Variants in KCNQ5 observed in about 807,000 individuals in gnomAD.
The protein encoded by KCNQ5 is potassium voltage-gated channel subfamily KQT member 5.
In KCNQ5, 30 loss-of-function variants were observed where a neutral mutation model predicts 98.2. The ratio of observed to expected loss-of-function variants is 0.31; its 90% CI spans 0.23 to 0.41. The LOEUF is 0.41. Among genes scored for constraint, KCNQ5 ranks in the 10% least tolerant of loss-of-function variants. The pLI, the probability that KCNQ5 is intolerant of heterozygous loss-of-function variation, is 1.00. For missense variants in KCNQ5, 835 were observed against 1,182.5 expected (o/e 0.71, Z 4.31); for synonymous variants, 458 against 449.4 (o/e 1.02, Z -0.24).
intron 1 of KCNQ5, among the ~76,000 whole-genome samples, chr6:72,803,123 C>T (rs1239737152): frequency 6.6e-6 from 1 of 152,136 alleles, no homozygotes; most frequent in Non-Finnish European, 1.5e-5. Context: ...CTCAGACCAA[C>T]CACAATCAAT....
At chr6:73,101,170 C>T (rs760083120) in intron 5 of KCNQ5, among the ~76,000 whole-genome samples, 7 of 152,200 alleles carry the variant, frequency 4.6e-5, no homozygotes, top group Non-Finnish European at 7.4e-5. Flanking sequence ...CAAAACCAGA[C>T]AAAAAATGCA....
chr6:73,031,380 G>T (rs192111880), intron 2 of KCNQ5, among the ~76,000 whole-genome samples: 21 of 152,300 alleles, frequency 1.4e-4, no homozygotes, highest in Admixed American at 1.2e-3. Context: ...TGAATAGACA[G>T]GTCAGAAATG....
At chr6:73,132,515 G>A (rs547250266) in intron 9 of KCNQ5, among the ~76,000 whole-genome samples, 19 of 152,232 alleles carry the variant, frequency 1.2e-4, no homozygotes, top group Non-Finnish European at 2.1e-4. Flanking sequence ...CCTAGCCCCC[G>A]TGTGTCTGAT....
chr6:73,169,845 G>A lies in KCNQ5; in HGVS notation c.1568G>A (p.Arg523Gln), dbSNP rs372957711. ...ACCCCACCACTTAAAACTGTCATTC[G>A]AGCTATCAGGTTGGTGAAAATCTTG... ...DLTPPLKTVI[R>Q]AIRIMKFHVA... The change falls in exon 11 of 14, where the codon CGA becomes CAA. Residue 523 changes from arginine (R) to glutamine (Q), a missense_variant. Coordinates refer to ENST00000370398, the MANE Select transcript of KCNQ5 (RefSeq NM_019842.4). 16 of 1,602,930 alleles carry A rather than the reference G, an allele frequency of 1.0e-5. No individual in the cohort carries two copies. Among genetic ancestry groups the A allele is most frequent in the African/African-American group, 2.7e-5 (2 of 74,706 alleles).
chr6:72,978,469 A>G (rs1308466903), intron 1 of KCNQ5, among the ~76,000 whole-genome samples: 2 of 152,214 alleles, frequency 1.3e-5, no homozygotes, highest in Non-Finnish European at 2.9e-5. Flanking sequence ...TGACAGGCCA[A>G]TATCTATTTG....
chr6:72,900,406 A>AAT (rs952972518), intron 1 of KCNQ5, among the ~76,000 whole-genome samples: 10 of 145,752 alleles, frequency 6.9e-5, no homozygotes, highest in East Asian at 2.0e-4. Flanking sequence ...TATATGATGA[A>AAT]ATATATATAT....
chr6:72,860,888 A>G (rs1184250552), intron 1 of KCNQ5, among the ~76,000 whole-genome samples: 1 of 151,404 alleles, frequency 6.6e-6, no homozygotes, highest in Non-Finnish European at 1.5e-5. Flanking sequence ...TTTTAGGGGA[A>G]TAGAGGAAGG....
intron 1 of KCNQ5, among the ~76,000 whole-genome samples, chr6:72,888,112 A>G (rs1417265356): frequency 6.6e-6 from 1 of 152,208 alleles, no homozygotes; most frequent in African/African-American, 2.4e-5. Context: ...TGTCAGAGAT[A>G]AAGACGGTTA....
chr6:72,983,514 A>C (rs1768578490), intron 1 of KCNQ5, among the ~76,000 whole-genome samples: 1 of 152,124 alleles, frequency 6.6e-6, no homozygotes, highest in Non-Finnish European at 1.5e-5. Context: ...CATGGTTTTC[A>C]GCTCCATCAG....
chr6:72,630,726 C>T (rs2098920358), intron 1 of KCNQ5: 1 of 151,976 alleles, frequency 6.6e-6, no homozygotes, highest in Non-Finnish European at 1.5e-5. Flanking sequence ...TAACAGTTAG[C>T]ATGGTGGCTC....
At chr6:72,824,793 G>C (rs1036440830) in intron 1 of KCNQ5, among the ~76,000 whole-genome samples, 139 of 152,068 alleles carry the variant, frequency 9.1e-4, no homozygotes, top group Admixed American at 2.7e-3. Flanking sequence ...CTCTGTGTGT[G>C]TGTGTGTGTG....
intron 10 of KCNQ5, among the ~76,000 whole-genome samples, chr6:73,156,884 AG>A (rs2150487857): frequency 6.6e-6 from 1 of 152,312 alleles, no homozygotes; most frequent in South Asian, 2.1e-4. Flanking sequence ...CCGAGGAGAT[AG>A]GAGCAGAGAA....
At chr6:72,980,781 G>A (rs150027008) in intron 1 of KCNQ5, among the ~76,000 whole-genome samples, 3,680 of 152,228 alleles carry the variant, frequency 0.024, 62 homozygotes, top group Middle Eastern at 0.058. Context: ...TCCAGTTTTT[G>A]CCCATTCAGT....
intron 1 of KCNQ5, among the ~76,000 whole-genome samples, chr6:72,775,615 G>A (rs1461739934): frequency 1.3e-5 from 2 of 152,060 alleles, no homozygotes; most frequent in African/African-American, 4.8e-5. Context: ...GCTGGCAAAC[G>A]TTACCTCAGC....
At chr6:73,166,331 G>A (rs1330447191) in intron 10 of KCNQ5, among the ~76,000 whole-genome samples, 1 of 151,846 alleles carries the variant, frequency 6.6e-6, no homozygotes, top group Non-Finnish European at 1.5e-5. Context: ...AGCTACTTGG[G>A]AGGCTGAGGC....
At chr6:73,030,276 T>C (rs1457313941) in intron 2 of KCNQ5, among the ~76,000 whole-genome samples, 3 of 152,350 alleles carry the variant, frequency 2.0e-5, no homozygotes, top group African/African-American at 4.8e-5. Context: ...ATGCAGTTTC[T>C]ATTGGTGGTG....
intron 1 of KCNQ5, among the ~76,000 whole-genome samples, chr6:72,648,654 G>C (rs916574754): frequency 5.9e-5 from 9 of 151,892 alleles, no homozygotes; most frequent in Non-Finnish European, 1.0e-4. Context: ...GGGAAAAAGA[G>C]AGGAAAATGA....
chr6:73,110,538 T>C (rs149254921), intron 6 of KCNQ5, among the ~76,000 whole-genome samples: 1 of 152,148 alleles, frequency 6.6e-6, no homozygotes, highest in African/African-American at 2.4e-5. Context: ...TCCCAAAAAC[T>C]GAATAGGTGA....
intron 1 of KCNQ5, among the ~76,000 whole-genome samples, chr6:72,946,998 G>A (rs1766577456): frequency 6.6e-6 from 1 of 152,024 alleles, no homozygotes; most frequent in East Asian, 1.9e-4. Flanking sequence ...CATATTCCTA[G>A]CCTTTGCACT....
Sources: allele counts gnomAD v4.1 joint callset (sites outside exome capture counted in the v4.1 genomes callset), GRCh38; gene constraint gnomAD v4.1.1; transcripts MANE v1.5; gene names NCBI Gene and HGNC (gene_info 2026-07-23, HGNC 2026-07-21).